Variants in IL1RAPL1 observed in about 807,000 individuals in gnomAD.
The protein encoded by IL1RAPL1 is interleukin 1 receptor accessory protein like 1.
A neutral mutation model predicts 48.4 loss-of-function variants in IL1RAPL1; 3 were observed. That is an observed-to-expected ratio of 0.06 (90% CI 0.03 to 0.16). The LOEUF is 0.16. Ranked by LOEUF, IL1RAPL1 falls within the 10% of genes least tolerant of loss-of-function variation. The pLI, the probability that IL1RAPL1 is intolerant of heterozygous loss-of-function variation, is 1.00. For missense variants in IL1RAPL1, 349 were observed against 530.6 expected (o/e 0.66, Z 3.36); for synonymous variants, 185 against 187.7 (o/e 0.99, Z 0.12).
At chrX:29,490,990 C>T (rs1475154407) in intron 5 of IL1RAPL1, among the ~76,000 whole-genome samples, 1 of 110,817 alleles carries the variant, frequency 9.0e-6, no homozygotes, top group Non-Finnish European at 1.9e-5. Flanking sequence ...GTATTTTCAT[C>T]ATTAGGTTGT....
chrX:29,034,529 AATC>A (rs1170124246), intron 2 of IL1RAPL1, among the ~76,000 whole-genome samples: 1 of 112,300 alleles, frequency 8.9e-6, no homozygotes, highest in African/African-American at 3.2e-5. Flanking sequence ...GTTGGTTCTG[AATC>A]ATCAAGATAG....
At chrX:29,547,478 G>T (rs1482919042) in intron 5 of IL1RAPL1, among the ~76,000 whole-genome samples, 1 of 111,406 alleles carries the variant, frequency 9.0e-6, no homozygotes, top group Non-Finnish European at 1.9e-5. Flanking sequence ...AAAGAAAAAG[G>T]TACTTTCTAT....
intron 1 of IL1RAPL1, among the ~76,000 whole-genome samples, chrX:28,606,334 G>T: frequency 8.9e-6 from 1 of 112,080 alleles, no homozygotes; most frequent in Non-Finnish European, 1.9e-5. Context: ...TTAATAAATG[G>T]TCGCCATTAT....
At chrX:29,884,852 C>A (rs1328427795) in intron 6 of IL1RAPL1, among the ~76,000 whole-genome samples, 1 of 111,590 alleles carries the variant, frequency 9.0e-6, no homozygotes, top group Non-Finnish European at 1.9e-5. Flanking sequence ...TACATCCAAT[C>A]TGTCAGGAAA....
intron 2 of IL1RAPL1, among the ~76,000 whole-genome samples, chrX:28,896,588 G>T (rs979699036): frequency 1.8e-5 from 2 of 111,229 alleles, no homozygotes; most frequent in Non-Finnish European, 3.8e-5. Context: ...AAGCTGGACC[G>T]GGTGTCAGGA....
intron 6 of IL1RAPL1, among the ~76,000 whole-genome samples, chrX:29,679,195 GATT>G (rs2147104851): frequency 8.9e-6 from 1 of 111,805 alleles, no homozygotes; most frequent in Admixed American, 9.5e-5. Context: ...GAAAATTTGA[GATT>G]ATTACCACGA....
At position 29,823,902 on chromosome X, in the gene IL1RAPL1, C is replaced by T. The variant is rs148148368; in HGVS notation, c.779-93562C>T. 2.4e-3 allele frequency among the ~76,000 whole-genome samples: 263 copies of T among 111,609 alleles called. 2 individuals carry two copies. Among genetic ancestry groups the T allele is most frequent in the African/African-American group, 7.9e-3 (244 of 30,801 alleles). ...TCTAAAGTACAGCCAATATTTCTTC[C>T]TTTGGGATAGCTAGTTCCACTGAAA... On this transcript the variant is annotated intron_variant, in intron 6 of 10. Coordinates refer to ENST00000378993, the MANE Select transcript of IL1RAPL1 (RefSeq NM_014271.4).
At chrX:28,596,143 T>C (rs780325922) in intron 1 of IL1RAPL1, among the ~76,000 whole-genome samples, 1 of 111,667 alleles carries the variant, frequency 9.0e-6, no homozygotes, top group South Asian at 3.8e-4. Context: ...AAGCAAACGC[T>C]TAAACACTTA....
intron 2 of IL1RAPL1, among the ~76,000 whole-genome samples, chrX:28,992,502 G>GAAA (rs60650174): frequency 2.0e-5 from 1 of 49,598 alleles, no homozygotes. Flanking sequence ...AAAAAAAAAA[G>GAAA]AAAAAAAAAA....
intron 2 of IL1RAPL1, among the ~76,000 whole-genome samples, chrX:28,952,953 C>T (rs764190939): frequency 1.8e-5 from 2 of 111,492 alleles, no homozygotes; most frequent in African/African-American, 3.2e-5. Context: ...AGTAGTTTTA[C>T]ACATTAATGA....
intron 5 of IL1RAPL1, among the ~76,000 whole-genome samples, chrX:29,483,676 T>C (rs1428140335): frequency 9.9e-6 from 1 of 101,191 alleles, no homozygotes; most frequent in Non-Finnish European, 2.0e-5. Context: ...TAGCAGAAAG[T>C]ACTACAGTAG....
chrX:29,596,633 T>C lies in IL1RAPL1; in HGVS notation c.704-71797T>C, dbSNP rs376250627. On this transcript the variant is annotated intron_variant, in intron 5 of 10. Transcript: ENST00000378993. ...TTACCAATTCTAGGAGCTTTTTGGA[T>C]GAGTCTTTAGGATTTTCTAAGTATA... Among the ~76,000 whole-genome samples, 6 of 112,001 alleles carry C rather than the reference T, an allele frequency of 5.4e-5. No individual in the cohort carries two copies. In the East Asian group the frequency reaches 1.4e-3, roughly 26 times the overall value.
At chrX:28,609,971 C>A (rs190088385) in intron 1 of IL1RAPL1, among the ~76,000 whole-genome samples, 1 of 111,692 alleles carries the variant, frequency 9.0e-6, no homozygotes, top group Non-Finnish European at 1.9e-5. Flanking sequence ...GCCTTGCATA[C>A]AAGTCTTGTC....
At chrX:29,586,600 A>G (rs1923170868) in intron 5 of IL1RAPL1, among the ~76,000 whole-genome samples, 1 of 111,528 alleles carries the variant, frequency 9.0e-6, no homozygotes, top group Admixed American at 9.5e-5. Flanking sequence ...TTTGATATGA[A>G]TTGCATTGAA....
At chrX:29,212,301 T>A (rs1344328831) in intron 2 of IL1RAPL1, among the ~76,000 whole-genome samples, 1 of 110,575 alleles carries the variant, frequency 9.0e-6, no homozygotes, top group Non-Finnish European at 1.9e-5. Context: ...CATGTAAAAC[T>A]TAGGAGTCCC....
intron 2 of IL1RAPL1, among the ~76,000 whole-genome samples, chrX:29,167,175 T>C (rs777820252): frequency 3.6e-5 from 4 of 111,570 alleles, no homozygotes; most frequent in Non-Finnish European, 7.5e-5. Context: ...GTATTTCCTA[T>C]CATTTCAAAT....
chrX:29,138,202 C>A (rs1433789363), intron 2 of IL1RAPL1, among the ~76,000 whole-genome samples: 1 of 111,995 alleles, frequency 8.9e-6, no homozygotes, highest in African/African-American at 3.2e-5. Flanking sequence ...TCCATTTCTT[C>A]CAACGCTGAT....
At chrX:29,197,316 T>G (rs963669487) in intron 2 of IL1RAPL1, among the ~76,000 whole-genome samples, 1 of 111,790 alleles carries the variant, frequency 8.9e-6, no homozygotes, top group Non-Finnish European at 1.9e-5. Flanking sequence ...CAATCCATGA[T>G]TTTTAAATGT....
At chrX:29,870,379 C>T (rs1014205752) in intron 6 of IL1RAPL1, among the ~76,000 whole-genome samples, 2 of 111,733 alleles carry the variant, frequency 1.8e-5, no homozygotes, top group African/African-American at 6.5e-5. Context: ...GTGGCACTTC[C>T]CATTCAGAGG....
Sources: allele counts gnomAD v4.1 joint callset (sites outside exome capture counted in the v4.1 genomes callset), GRCh38; gene constraint gnomAD v4.1.1; transcripts MANE v1.5; gene names NCBI Gene and HGNC (gene_info 2026-07-23, HGNC 2026-07-21).